The following LYPD3 variants were observed in gnomAD, a reference collection of about 807,000 sequenced individuals.
The protein encoded by LYPD3 is LY6/PLAUR domain containing 3.
Under a neutral mutation model 21.7 loss-of-function variants are expected in LYPD3, and 22 were observed. The ratio of observed to expected loss-of-function variants is 1.01; its 90% CI spans 0.72 to 1.45. The LOEUF (loss-of-function observed/expected upper bound fraction) is 1.45, where lower values mean the gene tolerates loss of function less well. Ranked by LOEUF, LYPD3 falls within the 40% of genes most tolerant of loss-of-function variation. The probability of loss-of-function intolerance (pLI) is 0.00; values close to 1 mark genes in which losing one functional copy is unlikely to be tolerated. For synonymous variants in LYPD3, 179 were observed against 203.0 expected (o/e 0.88, Z 1.00); for missense variants, 471 against 466.9 (o/e 1.01, Z -0.08).
At chr19:43,463,481 A>T in intron 3 of LYPD3, 118 bp downstream of exon 3, 5 of 1,286,292 alleles carry the variant, frequency 3.9e-6, no homozygotes, top group Non-Finnish European at 5.4e-6. Flanking sequence ...CCCGCCCCAG[A>T]GTGTGACCCC....
intron 3 of LYPD3, 124 bp downstream of exon 3, chr19:43,463,475 C>G: frequency 1.4e-6 from 2 of 1,391,306 alleles, no homozygotes; most frequent in Non-Finnish European, 2.0e-6. Flanking sequence ...CTTGGCCCCG[C>G]CCCAGAGTGT....
intron 1 of LYPD3, 100 bp from the exon 2 acceptor site, chr19:43,464,556 A>C: frequency 6.8e-7 from 1 of 1,478,994 alleles, no homozygotes; most frequent in South Asian, 1.2e-5. Flanking sequence ...GGGATTAGAC[A>C]GTCTTATTGC....
chr19:43,464,317 C>T lies in LYPD3; in HGVS notation c.211+8G>A, dbSNP rs560932505. On this transcript the variant is annotated splice_region_variant and intron_variant, in intron 2 of 4. Transcript: ENST00000244333. Reference sequence around the variant, plus strand: ...AGTGGTGTGCGTGGCCCGGGGGTCCCCACTCACTGGTCTCCACCGCCCCCA... The same window carrying T: ...AGTGGTGTGCGTGGCCCGGGGGTCCTCACTCACTGGTCTCCACCGCCCCCA... 79 of 1,599,514 alleles carry T rather than the reference C, an allele frequency of 4.9e-5. No individual in the cohort carries two copies. The East Asian group carries it at 1.5e-3, about 31-fold the overall frequency.
chr19:43,463,489 C>A, intron 3 of LYPD3, 110 bp downstream of exon 3: 1 of 1,444,688 alleles, frequency 6.9e-7, no homozygotes, highest in Non-Finnish European at 9.4e-7. Context: ...AGAGTGTGAC[C>A]CCACCCCCAG....
intron 1 of LYPD3, among the ~76,000 whole-genome samples, chr19:43,465,212 C>T (rs1033440968): frequency 1.3e-5 from 2 of 152,330 alleles, no homozygotes; most frequent in Middle Eastern, 3.4e-3. Flanking sequence ...CAGGCATGAA[C>T]CACCGCGCCC....
Position 43,461,049 on chromosome 19 carries a change from C to T in LYPD3, c.*302G>A, listed in dbSNP as rs1262263667. The T allele has an allele frequency of 3.1e-6, 1 of 318,942 alleles. No individual in the cohort carries two copies. Among genetic ancestry groups the T allele is most frequent in the African/African-American group, 2.1e-5 (1 of 47,924 alleles). 19.8% of individuals were successfully genotyped at this position (318,942 alleles called of 1,614,324 possible). On this transcript the variant is annotated 3_prime_UTR_variant, in exon 5 of 5. Coordinates refer to ENST00000244333, the MANE Select transcript of LYPD3 (RefSeq NM_014400.3). ...AGCTTAGCATCCTCTCTCTCACCTT[C>T]CCCGTGACAGCTGACTTCTCTCACT...
Position 43,463,611 on chromosome 19 carries a change from G to T in LYPD3, c.370C>A (p.Leu124Ile). ...NAKLNLTSRALDPAGNESAYP... is the reference protein window; with the variant it reads ...NAKLNLTSRAIDPAGNESAYP... Reference sequence around the variant, plus strand: ...GGCCCCCACGGACCTGCCGGGTCGAGCGCCCGCGAGGTGAGGTTGAGCTTG... The same window carrying T: ...GGCCCCCACGGACCTGCCGGGTCGATCGCCCGCGAGGTGAGGTTGAGCTTG... The change falls in exon 3 of 5, where the codon CTC (leucine) becomes ATC (isoleucine). Residue 124 changes from leucine (L) to isoleucine (I), a missense_variant. By Grantham distance (5) the Leu-to-Ile change is conservative (BLOSUM62 2). Coordinates refer to ENST00000244333, the MANE Select transcript of LYPD3 (RefSeq NM_014400.3). 6.2e-7 allele frequency: 1 copy of T among 1,601,638 alleles called. No homozygotes were observed.
intron 4 of LYPD3, among the ~76,000 whole-genome samples, chr19:43,462,634 G>A (rs1284753858): frequency 6.6e-6 from 1 of 152,144 alleles, no homozygotes; most frequent in African/African-American, 2.4e-5. Context: ...TCCAGGCTAG[G>A]CGATAGAGCA....
Position 43,463,683 on chromosome 19 carries a change from G to A in LYPD3, c.298C>T (p.Leu100=). 1 of 1,611,838 alleles carries A rather than the reference G, an allele frequency of 6.2e-7. No homozygotes were observed. Among genetic ancestry groups the A allele is most frequent in the Non-Finnish European group, 8.5e-7 (1 of 1,180,026 alleles). Residue 100 remains leucine (L), a synonymous_variant, in exon 3 of 5, where the codon CTG becomes TTG. Coordinates refer to ENST00000244333, the MANE Select transcript of LYPD3 (RefSeq NM_014400.3). ...CATTGCTGCAGCTGGATGAACGCCA[G>A]AAGCCCGTGAAGATCCAGGCCGCGG... ...NDRGLDLHGL[L]AFIQLQQCAQ...
chr19:43,463,353 G>T, intron 3 of LYPD3, 66 bp from the exon 4 acceptor site: 1 of 1,551,994 alleles, frequency 6.4e-7, no homozygotes, highest in Non-Finnish European at 8.7e-7. Flanking sequence ...TCGTCCTCTA[G>T]CCCCGCCCCT....
chr19:43,464,459 G>A lies in LYPD3; in HGVS notation c.80-3C>T, dbSNP rs200281794. ...GTAGCACTCCAGGGCCTGCGCTCCT[G>A]GGGGAGCGGAGCCGAATAGACCTGA... On this transcript the variant is annotated splice_region_variant and splice_polypyrimidine_tract_variant and intron_variant, in intron 1 of 4. Coordinates refer to ENST00000244333, the MANE Select transcript of LYPD3 (RefSeq NM_014400.3). 5 of 1,613,778 alleles carry A rather than the reference G, an allele frequency of 3.1e-6. No individual in the cohort carries two copies. The Admixed American group carries it at 5.0e-5, about 16-fold the overall frequency.
intron 1 of LYPD3, among the ~76,000 whole-genome samples, chr19:43,464,934 C>CTTTTTTTTTTTTTTTTT (rs34393417): frequency 1.6e-5 from 1 of 62,800 alleles, no homozygotes; most frequent in Non-Finnish European, 2.8e-5. Context: ...TTCTTTTTTT[C>CTTTTTTTTTTTTTTTTT]TTTTTTTTTT....
In LYPD3 at chr19:43,461,642, G is replaced by A. The variant is rs202244672; in HGVS notation, c.750C>T (p.Ala250=). Residue 250 remains alanine, a synonymous_variant, in exon 5 of 5, where the codon GCC becomes GCT. Transcript: ENST00000244333. The part of the protein sequence containing the change: ...RLPPPEPTTV[A]STTSVTTSTS... ...TAGAAGTGGTGACAGATGTGGTTGAGGCCACAGTCGTGGGCTCTGGAGGGG... is the reference window on the plus strand; with the variant it reads ...TAGAAGTGGTGACAGATGTGGTTGAAGCCACAGTCGTGGGCTCTGGAGGGG... The A allele has an allele frequency of 8.3e-5, 134 of 1,614,144 alleles. No homozygotes were observed. Among genetic ancestry groups the A allele is most frequent in the Admixed American group, 1.3e-4 (8 of 60,022 alleles).
chr19:43,465,488 C>CCCT lies in LYPD3; in HGVS notation c.79+4_79+5insAGG. On this transcript the variant is annotated splice_donor_region_variant and intron_variant, in intron 1 of 4. Transcript: ENST00000244333. The stretch of plus-strand genomic sequence containing the variant: ...CCCCTCCACCTCTCCGGGCAGCAGA[C>CCCT]CCACCTCCGCGAAGCAGCAGCAGCA... 1.9e-6 allele frequency: 3 copies of CCCT among 1,608,736 alleles called. No individual in the cohort carries two copies. Among genetic ancestry groups the CCCT allele is most frequent in the Non-Finnish European group, 1.7e-6 (2 of 1,179,908 alleles).
At chr19:43,464,054 G>T (rs1970800287) in intron 2 of LYPD3, 1 of 614,034 alleles carries the variant, frequency 1.6e-6, no homozygotes, top group South Asian at 2.0e-5. Flanking sequence ...CATTGGTGGA[G>T]CAGAAAAAGT....
chr19:43,463,773 G>A lies in LYPD3; in HGVS notation c.212-4C>T, dbSNP rs1177679464. The A allele has an allele frequency of 1.2e-6, 2 of 1,612,504 alleles. No individual in the cohort carries two copies. Among genetic ancestry groups the A allele is most frequent in the South Asian group, 1.1e-5 (1 of 91,076 alleles). On this transcript the variant is annotated splice_polypyrimidine_tract_variant and splice_region_variant and intron_variant, in intron 2 of 4. Coordinates refer to ENST00000244333, the MANE Select transcript of LYPD3 (RefSeq NM_014400.3). ...GCCAGCGAGAATTGTCCGTGGACTA[G>A]GGAGAGGGACAAGGGCGGGATTAGC...
intron 2 of LYPD3, 125 bp from the exon 3 acceptor site, chr19:43,463,894 A>G (rs1970798774): frequency 7.1e-6 from 7 of 979,606 alleles, no homozygotes; most frequent in Admixed American, 2.1e-5. Flanking sequence ...ACCGACAGGC[A>G]GGAATTGGCG....
rs1365348596 is a variant in LYPD3, at chr19:43,464,411, T to A, written c.125A>T (p.Asp42Val). 6.2e-7 allele frequency: 1 copy of A among 1,614,118 alleles called. No individual in the cohort carries two copies. ...ECYSCVQKAD[D>V]GCSPNKMKTV... is the part of the protein sequence containing the mutation. ...CTTCATCTTGTTCGGGGAGCATCCG[T>A]CATCTGCTTTCTGCACGCAGCTGTA... Residue 42 changes from aspartate to valine, a missense_variant, in exon 2 of 5, where the codon GAC (aspartate) becomes GTC (valine). Coordinates refer to ENST00000244333, the MANE Select transcript of LYPD3 (RefSeq NM_014400.3).
intron 2 of LYPD3, 184 bp downstream of exon 2, chr19:43,464,141 G>T: frequency 1.2e-6 from 1 of 842,976 alleles, no homozygotes; most frequent in Non-Finnish European, 1.8e-6. Context: ...TGCTCCTCGC[G>T]CTTGTAATTG....
Sources: gnomAD v4.1 joint callset for allele counts (sites outside exome capture counted in the v4.1 genomes callset) on GRCh38, gnomAD v4.1.1 for gene constraint, MANE v1.5 for transcripts, NCBI Gene and HGNC (gene_info 2026-07-23, HGNC 2026-07-21) for gene names.